Variants in PXK observed in about 807,000 individuals in gnomAD.
The protein encoded by PXK is PX domain-containing protein kinase-like protein.
A neutral mutation model predicts 84.7 loss-of-function variants in PXK; 35 were observed. The ratio of observed to expected loss-of-function variants is 0.41; its 90% CI spans 0.32 to 0.55. The LOEUF (loss-of-function observed/expected upper bound fraction) is 0.55, where lower values mean the gene tolerates loss of function less well. Ranked by LOEUF, PXK falls within the 20% of genes least tolerant of loss-of-function variation. PXK has a pLI of 0.21. For synonymous variants in PXK, 253 were observed against 260.8 expected (o/e 0.97, Z 0.29); for missense variants, 634 against 699.7 (o/e 0.91, Z 1.06).
intron 3 of PXK, among the ~76,000 whole-genome samples, chr3:58,374,968 T>C (rs2098425535): frequency 6.6e-6 from 1 of 152,162 alleles, no homozygotes; most frequent in Non-Finnish European, 1.5e-5. Context: ...TTGCAGCTGT[T>C]GGCAAAAGAG....
chr3:58,364,926 A>AT lies in PXK; in HGVS notation c.103-944dup, dbSNP rs1559936110. On this transcript the variant is annotated intron_variant, in intron 1 of 17. Transcript: ENST00000356151. The surrounding 1 kb of genome is among the most constrained non-coding windows in gnomAD (Gnocchi z 4.3). ...TATTAATAATACATGTCTTATCTTTATTTTGTCCATTTTTGTCAATTTTAT... is the reference window on the plus strand; with the variant it reads ...TATTAATAATACATGTCTTATCTTTATTTTTGTCCATTTTTGTCAATTTTAT... Among the ~76,000 whole-genome samples, 2 of 151,762 alleles carry AT rather than the reference A, an allele frequency of 1.3e-5. No individual in the cohort carries two copies. The highest frequency in any genetic ancestry group is 2.9e-5 in the Non-Finnish European group (2 of 67,952).
Position 58,400,985 on chromosome 3 carries a change from T to C in PXK, c.1181+1608T>C, listed in dbSNP as rs1450835105. On this transcript the variant is annotated intron_variant, in intron 12 of 17. Coordinates refer to ENST00000356151, the MANE Select transcript of PXK (RefSeq NM_017771.5). The surrounding 1 kb of genome is among the most constrained non-coding windows in gnomAD (Gnocchi z 4.0). ...GGAAAACAACTTTCACACAAACTTT[T>C]CTAGCAAAATGCACTTGTACTTAGG... Among the ~76,000 whole-genome samples the C allele has an allele frequency of 6.6e-6, 1 of 152,214 alleles. No homozygotes were observed. Among genetic ancestry groups the C allele is most frequent in the East Asian group, 1.9e-4 (1 of 5,194 alleles).
Position 58,379,341 on chromosome 3 carries a change from C to T in PXK, c.202-3173C>T, listed in dbSNP as rs1265686691. The T allele has an allele frequency of 6.5e-6, 1 of 153,494 alleles. No homozygotes were observed. The highest frequency in any genetic ancestry group is 1.5e-5 in the Non-Finnish European group (1 of 68,090). 9.5% of individuals were successfully genotyped at this position (153,494 alleles called of 1,614,324 possible). ...TTCAGAAGCATTAGAGTTTCACCTA[C>T]TTGGTGTAAGTTGCTCTTTAATTGT... On this transcript the variant is annotated intron_variant, in intron 3 of 17. Coordinates refer to ENST00000356151, the MANE Select transcript of PXK (RefSeq NM_017771.5). The surrounding 1 kb of genome is among the most constrained non-coding windows in gnomAD (Gnocchi z 5.1).
intron 1 of PXK, among the ~76,000 whole-genome samples, chr3:58,335,544 T>A (rs2097577909): frequency 6.9e-6 from 1 of 145,652 alleles, no homozygotes; most frequent in Admixed American, 6.6e-5. Context: ...GCACTGTTTT[T>A]TCTTGGGGAG....
chr3:58,391,792 A>G lies in PXK; in HGVS notation c.560A>G (p.Lys187Arg), dbSNP rs907798882. ...VLSWADLGPD[K>R]YLSDKDFQCL... ...TTTCAGGCTGACCTTGGCCCAGACA[A>G]GTATTTGTCAGATAAAGATTTTCAG... Residue 187 changes from lysine (K) to arginine (R), a missense_variant, in exon 7 of 18, where the codon AAG (lysine) becomes AGG (arginine). By Grantham distance (26) the Lys-to-Arg change is conservative. This residue lies in a region of PXK where 353 missense variants were observed against 385.2 expected (regional missense o/e 0.92). Coordinates refer to ENST00000356151, the MANE Select transcript of PXK (RefSeq NM_017771.5). 5 of 1,613,584 alleles carry G rather than the reference A, an allele frequency of 3.1e-6. No homozygotes were observed. The highest frequency in any genetic ancestry group is 1.3e-5 in the African/African-American group (1 of 75,030).
At chr3:58,422,847 C>T (rs948233613) in intron 17 of PXK, 83 of 985,310 alleles carry the variant, frequency 8.4e-5, no homozygotes, top group Middle Eastern at 1.0e-3. Context: ...TCCCAAGTAC[C>T]GCCGCAGCCG....
chr3:58,367,648 T>G (rs951934991), intron 2 of PXK, among the ~76,000 whole-genome samples: 16 of 152,142 alleles, frequency 1.1e-4, no homozygotes, highest in Non-Finnish European at 1.9e-4. Flanking sequence ...TGGATAGCCA[T>G]GTAGAATGTG....
chr3:58,347,083 C>T (rs1370152951), intron 1 of PXK, among the ~76,000 whole-genome samples: 3 of 152,130 alleles, frequency 2.0e-5, no homozygotes, highest in Admixed American at 6.5e-5. Flanking sequence ...TCAAGTGATC[C>T]ACCTGCCTCG....
At chr3:58,358,252 G>A (rs925141256) in intron 1 of PXK, among the ~76,000 whole-genome samples, 8 of 152,208 alleles carry the variant, frequency 5.3e-5, no homozygotes, top group Non-Finnish European at 1.2e-4. Context: ...CATATTCTTC[G>A]TGTCTTACTT....
rs781316714 is a variant in PXK, at chr3:58,412,873, A to T, written c.1466-28A>T. On this transcript the variant is annotated intron_variant, in intron 16 of 17. Transcript: ENST00000356151. The surrounding 1 kb of genome is among the most constrained non-coding windows in gnomAD (Gnocchi z 6.2). ...TTCCAAATGTCTTTCGTTGGTCCCC[A>T]TGAGGGTTTCTCTGTGTTTTATCTT... 5 of 1,613,430 alleles carry T rather than the reference A, an allele frequency of 3.1e-6. No individual in the cohort carries two copies. The highest frequency in any genetic ancestry group is 2.2e-5 in the East Asian group (1 of 44,874).
In PXK at chr3:58,397,430, G is replaced by C. The variant is rs1307131643; in HGVS notation, c.985-175G>C. 6.6e-6 allele frequency among the ~76,000 whole-genome samples: 1 copy of C among 152,182 alleles called. No homozygotes were observed. Among genetic ancestry groups the C allele is most frequent in the Non-Finnish European group, 1.5e-5 (1 of 68,038 alleles). ...GGAAAACTGTGGAGGGTCGGACCAA[G>C]ACCTTTGGGATACCTCATGAGGTTT... is the stretch of plus-strand genomic sequence containing the variant. On this transcript the variant is annotated intron_variant, in intron 10 of 17. Transcript: ENST00000356151. This position sits in a 1 kb window ranked among gnomAD's most constrained non-coding sequence, Gnocchi z 4.7.
At chr3:58,393,346 C>CA (rs1326525598) in intron 7 of PXK, among the ~76,000 whole-genome samples, 80 of 149,166 alleles carry the variant, frequency 5.4e-4, no homozygotes, top group African/African-American at 1.7e-3. Context: ...GACTCCGTCT[C>CA]AAAAAAAAAG....
intron 12 of PXK, among the ~76,000 whole-genome samples, chr3:58,402,259 C>G (rs933758888): frequency 1.4e-4 from 19 of 138,884 alleles, no homozygotes; most frequent in African/African-American, 4.7e-4. Context: ...ACTCCCCCTC[C>G]CCCTCTCTCT....
At chr3:58,373,337 A>G (rs1361315532) in intron 3 of PXK, among the ~76,000 whole-genome samples, 7 of 152,176 alleles carry the variant, frequency 4.6e-5, no homozygotes. Context: ...GGCCTCCCAA[A>G]GTGCTGGGAT....
chr3:58,423,262 T>A (rs2062220146), intron 17 of PXK: 7 of 973,662 alleles, frequency 7.2e-6, no homozygotes, highest in Non-Finnish European at 8.5e-6. Flanking sequence ...TGTAACCTGG[T>A]GACATAAAGC....
At chr3:58,363,349 A>T (rs1020508581) in intron 1 of PXK, among the ~76,000 whole-genome samples, 3 of 152,106 alleles carry the variant, frequency 2.0e-5, no homozygotes, top group African/African-American at 7.2e-5. Flanking sequence ...TAATTAATTA[A>T]TGACTGGGTC....
At chr3:58,337,390 A>G (rs1228842372) in intron 1 of PXK, among the ~76,000 whole-genome samples, 1 of 152,228 alleles carries the variant, frequency 6.6e-6, no homozygotes. Flanking sequence ...TTAAATGCCT[A>G]CTATGTGCCA....
chr3:58,355,211 G>T (rs1400992613), intron 1 of PXK, among the ~76,000 whole-genome samples: 3 of 152,136 alleles, frequency 2.0e-5, no homozygotes, highest in Non-Finnish European at 4.4e-5. Flanking sequence ...AATCTGTGAG[G>T]GCACAAGTGT....
At position 58,409,263 on chromosome 3, in the gene PXK, C is replaced by T. The variant is rs1204855160; in HGVS notation, c.1308+262C>T. ...AGAGCATGCCGGCCGGTGATAGTTG[C>T]GGGCATGCATGGTCCATGCTGTCTC... On this transcript the variant is annotated intron_variant, in intron 14 of 17. Coordinates refer to ENST00000356151, the MANE Select transcript of PXK (RefSeq NM_017771.5). This position sits in a 1 kb window ranked among gnomAD's most constrained non-coding sequence, Gnocchi z 4.2. Among the ~76,000 whole-genome samples the T allele has an allele frequency of 3.3e-5, 5 of 152,050 alleles. No homozygotes were observed. The highest frequency in any genetic ancestry group is 9.7e-5 in the African/African-American group (4 of 41,392).
Sources: allele counts gnomAD v4.1 joint callset (sites outside exome capture counted in the v4.1 genomes callset), GRCh38; gene constraint gnomAD v4.1.1; regional missense constraint gnomAD v4.1.1; non-coding constraint Gnocchi (gnomAD v3.1); transcripts MANE v1.5; gene names NCBI Gene and HGNC (gene_info 2026-07-23, HGNC 2026-07-21).